The following COL28A1 variants were observed in gnomAD, a reference collection of about 807,000 sequenced individuals.
COL28A1 encodes collagen type XXVIII alpha 1 chain, also known as collagen alpha-1(XXVIII) chain.
In COL28A1, 161 loss-of-function variants were observed where a neutral mutation model predicts 150.2. That is an observed-to-expected ratio of 1.07 (90% CI 0.94 to 1.22). The LOEUF is 1.22. Among genes scored for constraint, COL28A1 ranks in the 50% most tolerant of loss-of-function variants. The pLI, the probability that COL28A1 is intolerant of heterozygous loss-of-function variation, is 0.00. For synonymous variants in COL28A1, 552 were observed against 469.7 expected (o/e 1.18, Z -2.26); for missense variants, 1,617 against 1,388.3 (o/e 1.16, Z -2.62).
Position 7,513,308 on chromosome 7 carries a change from G to C in COL28A1, c.883-2173C>G, listed in dbSNP as rs1192216633. Among the ~76,000 whole-genome samples the C allele has an allele frequency of 2.0e-5, 3 of 152,316 alleles. No individual in the cohort carries two copies. In the East Asian group the frequency reaches 5.8e-4, roughly 29 times the overall value. ...ACTTTGTCCATGACCACAAATTTGA[G>C]TCTGTTAGGCTCTCAAGTCCATGTT... On this transcript the variant is annotated intron_variant, in intron 8 of 34. Coordinates refer to ENST00000399429, the MANE Select transcript of COL28A1 (RefSeq NM_001037763.3).
intron 3 of COL28A1, among the ~76,000 whole-genome samples, chr7:7,528,292 G>C (rs902913875): frequency 2.6e-5 from 4 of 152,034 alleles, no homozygotes; most frequent in Non-Finnish European, 4.4e-5. Context: ...CAGGACTTTG[G>C]AATGAATTTG....
Position 7,358,250 on chromosome 7 carries a change from G to A in COL28A1, c.*383C>T, listed in dbSNP as rs1583207458. On this transcript the variant is annotated 3_prime_UTR_variant, in exon 35 of 35. Transcript: ENST00000399429. ...GAGGTTAGGGAGGTGAGTGGGTGGA[G>A]GTATGGGCAGGGACAGGGGTAGGGG... The A allele has an allele frequency of 6.4e-6, 1 of 156,226 alleles. No homozygotes were observed. The highest frequency in any genetic ancestry group is 1.9e-4 in the East Asian group (1 of 5,302). The allele number at this position is 156,226 out of a possible 1,614,324, so 9.7% of individuals were successfully genotyped here.
downstream of COL28A1, chr7:7,356,390 A>G (rs1780357099): frequency 6.6e-6 from 1 of 152,196 alleles, no homozygotes; most frequent in Admixed American, 6.5e-5. Flanking sequence ...GCCACACGGG[A>G]AGCTGCAATA....
At position 7,454,712 on chromosome 7, in the gene COL28A1, A is replaced by G. The variant is rs144633818; in HGVS notation, c.1372-1204T>C. Among the ~76,000 whole-genome samples, 708 of 152,306 alleles carry G rather than the reference A, an allele frequency of 4.6e-3. 5 individuals are homozygous for G. The highest frequency in any genetic ancestry group is 0.023 in the East Asian group (117 of 5,184). ...AGCCCCATAGTGGTCACTCAGCACC[A>G]GGAGCACTGCAAGACCCAAGATGTG... On this transcript the variant is annotated intron_variant, in intron 16 of 34. Transcript: ENST00000399429.
In COL28A1 at chr7:7,456,874, T is replaced by C. The variant is rs192768912; in HGVS notation, c.1303-762A>G. Among the ~76,000 whole-genome samples, 6 of 152,238 alleles carry C rather than the reference T, an allele frequency of 3.9e-5. No homozygotes were observed. The East Asian group carries it at 9.7e-4, about 25-fold the overall frequency. On this transcript the variant is annotated intron_variant, in intron 15 of 34. Coordinates refer to ENST00000399429, the MANE Select transcript of COL28A1 (RefSeq NM_001037763.3). Reference sequence around the variant, plus strand: ...AATAATAAGTGTGAAGGAGAAAAATTAATCAGGGAAGAGAAGAGGCAGCGA... The same window carrying C: ...AATAATAAGTGTGAAGGAGAAAAATCAATCAGGGAAGAGAAGAGGCAGCGA...
Position 7,511,101 on chromosome 7 carries a change from T to G in COL28A1, c.917A>C (p.Lys306Thr). The change falls in exon 9 of 35, where the codon AAA becomes ACA. Residue 306 changes from lysine to threonine, a missense_variant. Transcript: ENST00000399429. Reference sequence around the variant, plus strand: ...AAACATGTTCCTTACCTTGTCACCTTTTATCCCTGGTTTACCACATTCCCC... The same window carrying G: ...AAACATGTTCCTTACCTTGTCACCTGTTATCCCTGGTTTACCACATTCCCC... The part of the protein sequence containing the change: ...ERGECGKPGI[K>T]GDKGSPGPYG... 1 of 1,613,292 alleles carries G rather than the reference T, an allele frequency of 6.2e-7. No individual in the cohort carries two copies. Among genetic ancestry groups the G allele is most frequent in the Non-Finnish European group, 8.5e-7 (1 of 1,179,378 alleles).
chr7:7,423,006 T>C (rs559087306), intron 25 of COL28A1, among the ~76,000 whole-genome samples: 2 of 152,302 alleles, frequency 1.3e-5, no homozygotes, highest in African/African-American at 4.8e-5. Flanking sequence ...TGGATCCCAA[T>C]CCAAACAAAC....
intron 25 of COL28A1, among the ~76,000 whole-genome samples, chr7:7,426,882 T>C (rs1046067993): frequency 1.3e-5 from 2 of 152,208 alleles, no homozygotes; most frequent in Non-Finnish European, 2.9e-5. Context: ...AACATAAATA[T>C]TGATACTGCC....
intron 25 of COL28A1, among the ~76,000 whole-genome samples, chr7:7,423,864 G>A (rs1438758741): frequency 6.6e-6 from 1 of 152,030 alleles, no homozygotes; most frequent in African/African-American, 2.4e-5. Context: ...CTCAACCTTT[G>A]GGAGTATCTG....
At chr7:7,402,523 G>A (rs1783264002) in intron 27 of COL28A1, among the ~76,000 whole-genome samples, 2 of 152,140 alleles carry the variant, frequency 1.3e-5, no homozygotes, top group African/African-American at 4.8e-5. Flanking sequence ...CTTTGTACAG[G>A]TATTTAGAGA....
At chr7:7,487,494 T>A (rs994115025) in intron 13 of COL28A1, among the ~76,000 whole-genome samples, 2 of 152,004 alleles carry the variant, frequency 1.3e-5, no homozygotes, top group African/African-American at 4.8e-5. Flanking sequence ...AGGAGAATCA[T>A]GTGAACCTGG....
intron 27 of COL28A1, among the ~76,000 whole-genome samples, chr7:7,397,614 C>A (rs2128297145): frequency 6.6e-6 from 1 of 152,282 alleles, no homozygotes; most frequent in East Asian, 1.9e-4. Context: ...TCTAGGGATG[C>A]TAAGTTAACA....
chr7:7,502,691 CT>C lies in COL28A1; in HGVS notation c.1026+3322del, dbSNP rs763064730. Among the ~76,000 whole-genome samples the C allele has an allele frequency of 2.9e-3, 217 of 73,936 alleles. 1 individual carries two copies. Among genetic ancestry groups the C allele is most frequent in the Middle Eastern group, 0.01 (1 of 98 alleles). The allele number at this position is 73,936 out of a possible 152,430, so 48.5% of individuals were successfully genotyped here. ...TTCTTTCTCCCAAGATATTCCCTTC[CT>C]TTTTTTTTTTTTTTTTTTTTTTTGA... On this transcript the variant is annotated intron_variant, in intron 11 of 34. Coordinates refer to ENST00000399429, the MANE Select transcript of COL28A1 (RefSeq NM_001037763.3).
At chr7:7,473,824 G>GAT (rs1253898421) in intron 15 of COL28A1, among the ~76,000 whole-genome samples, 15 of 151,490 alleles carry the variant, frequency 9.9e-5, no homozygotes, top group South Asian at 2.1e-4. Flanking sequence ...AAGAAACTAT[G>GAT]ATATATATAT....
chr7:7,419,792 C>T (rs1784294140), intron 26 of COL28A1, 93 bp downstream of exon 26: 4 of 725,180 alleles, frequency 5.5e-6, no homozygotes, highest in South Asian at 4.1e-5. Context: ...AATAAGTCAA[C>T]ACCAAGACGA....
Position 7,531,765 on chromosome 7 carries a change from T to G in COL28A1, c.264A>C (p.Glu88Asp), listed in dbSNP as rs1161361014. The G allele has an allele frequency of 6.2e-7, 1 of 1,609,444 alleles. No homozygotes were observed. Among genetic ancestry groups the G allele is most frequent in the African/African-American group, 1.3e-5 (1 of 74,948 alleles). Residue 88 changes from glutamate (E) to aspartate (D), a missense_variant, in exon 3 of 35, where the codon GAA (glutamate) becomes GAC (aspartate). Coordinates refer to ENST00000399429, the MANE Select transcript of COL28A1 (RefSeq NM_001037763.3). ...IFQLTPGRSLEYDIKLAALQF... is the reference protein window; with the variant it reads ...IFQLTPGRSLDYDIKLAALQF... ...GAAGGGCTGCCAGTTTGATGTCATATTCCAAGGAGCGACCAGGAGTCAATT... is the reference window on the plus strand; with the variant it reads ...GAAGGGCTGCCAGTTTGATGTCATAGTCCAAGGAGCGACCAGGAGTCAATT...
At chr7:7,348,280 G>C in the COL28A1 span, among the ~76,000 whole-genome samples, 3 of 152,130 alleles carry the variant, frequency 2.0e-5, no homozygotes, top group Non-Finnish European at 2.9e-5. Context: ...GTAGTGTAAG[G>C]GGGAGGTGAA....
chr7:7,520,016 T>C (rs764056250), intron 6 of COL28A1, 46 bp downstream of exon 6: 1 of 894,932 alleles, frequency 1.1e-6, no homozygotes, highest in East Asian at 2.4e-5. Flanking sequence ...AAAAAAAGTC[T>C]AGAAGGAGAT....
chr7:7,492,246 T>C (rs1470974066), intron 11 of COL28A1, among the ~76,000 whole-genome samples: 3 of 151,984 alleles, frequency 2.0e-5, no homozygotes, highest in Admixed American at 2.0e-4. Context: ...ACCAGAGCAA[T>C]GTTCTGTGGA....
Sources: gnomAD v4.1 joint callset for allele counts (sites outside exome capture counted in the v4.1 genomes callset) on GRCh38, gnomAD v4.1.1 for gene constraint, MANE v1.5 for transcripts, NCBI Gene and HGNC (gene_info 2026-07-23, HGNC 2026-07-21) for gene names.